Variants in PCDHGA1 observed in about 807,000 individuals in gnomAD.
PCDHGA1 encodes protocadherin gamma subfamily A, 1.
Under a neutral mutation model 58.0 loss-of-function variants are expected in PCDHGA1, and 32 were observed. The ratio of observed to expected loss-of-function variants is 0.55; its 90% confidence interval spans 0.42 to 0.74. PCDHGA1 has a LOEUF of 0.74. PCDHGA1 is among the 30% of genes least tolerant of loss of function. The pLI, the probability that PCDHGA1 is intolerant of heterozygous loss-of-function variation, is 0.00. For synonymous variants in PCDHGA1, 498 were observed against 501.1 expected, an observed-to-expected ratio of 0.99 and a Z score of 0.08; for missense variants, 1,205 against 1,182.3, an observed-to-expected ratio of 1.02 and a Z score of -0.28.
intron 1 of PCDHGA1, chr5:141,362,388 C>G (rs1267165641): frequency 2.5e-6 from 4 of 1,613,948 alleles, no homozygotes; most frequent in African/African-American, 2.7e-5. Flanking sequence ...TGCCCTATTC[C>G]TACAACCTGT....
In PCDHGA1 at chr5:141,392,927, G is replaced by C. The variant is rs758960557; in HGVS notation, c.2421+59822G>C. The C allele has an allele frequency of 5.6e-6, 9 of 1,613,832 alleles. No homozygotes were observed. In the East Asian group the frequency reaches 2.0e-4, roughly 36 times the overall value. On this transcript the variant is annotated intron_variant, in intron 1 of 3. Coordinates refer to ENST00000517417, the MANE Select transcript of PCDHGA1 (RefSeq NM_018912.3). Reference sequence around the variant, plus strand: ...AGATTCGCTACTCTGTGCCAGAAGAGACGGACAAAGGCTCCTTCGTGGGTA... The same window carrying C: ...AGATTCGCTACTCTGTGCCAGAAGACACGGACAAAGGCTCCTTCGTGGGTA...
At chr5:141,362,600 C>T (rs1561527590) in intron 1 of PCDHGA1, 3 of 1,577,722 alleles carry the variant, frequency 1.9e-6, no homozygotes, top group Non-Finnish European at 1.7e-6. Flanking sequence ...TTTATTGTTT[C>T]ACCTAATTTG....
rs1588634140 is a variant in PCDHGA1 at position 141,366,905 on chromosome 5, C to T, written c.2421+33800C>T. 3 of 1,162,942 alleles carry T rather than the reference C, an allele frequency of 2.6e-6. No individual in the cohort carries two copies. In the East Asian group the frequency reaches 7.6e-5, roughly 29 times the overall value. The allele number at this position is 1,162,942 out of a possible 1,614,324, so 72.0% of individuals were successfully genotyped here. ...TTTTTTTATATAATTCATGCTTTCT[C>T]CATTTGTTTTCAAATTCTGTTTTGG... On this transcript the variant is annotated intron_variant, in intron 1 of 3. Transcript: ENST00000517417.
At chr5:141,348,572 A>G (rs543197270) in intron 1 of PCDHGA1, among the ~76,000 whole-genome samples, 1 of 152,356 alleles carries the variant, frequency 6.6e-6, no homozygotes, top group South Asian at 2.1e-4. Flanking sequence ...TAGCCTACAT[A>G]TGTGTCATGA....
At chr5:141,359,332 G>A (rs1761178840) in intron 1 of PCDHGA1, among the ~76,000 whole-genome samples, 1 of 152,092 alleles carries the variant, frequency 6.6e-6, no homozygotes, top group Non-Finnish European at 1.5e-5. Flanking sequence ...ATATATTCCA[G>A]AATGAGAGTG....
At chr5:141,399,148 C>T (rs2150776580) in intron 1 of PCDHGA1, 2 of 1,613,684 alleles carry the variant, frequency 1.2e-6, no homozygotes, top group Non-Finnish European at 1.7e-6. Context: ...TGACAATAGC[C>T]CAGAAGTTAC....
intron 1 of PCDHGA1, chr5:141,338,944 A>T: frequency 2.6e-6 from 4 of 1,523,434 alleles, no homozygotes; most frequent in Non-Finnish European, 3.5e-6. Flanking sequence ...CTGGAAGTTG[A>T]CTCGGAGAAA....
chr5:141,357,136 G>T (rs779756612), intron 1 of PCDHGA1: 1 of 1,613,540 alleles, frequency 6.2e-7, no homozygotes, highest in Non-Finnish European at 8.5e-7. Flanking sequence ...TGTAGTGGTC[G>T]TCCAGGACCA....
Position 141,489,606 on chromosome 5 carries a change from G to A in PCDHGA1, c.2422-5201G>A. The stretch of plus-strand genomic sequence containing the variant: ...TGGAGCTAATCCGTGTAGAGGTAGA[G>A]ATCCTGGATCTCAATGACAACTCTC... On this transcript the variant is annotated intron_variant, in intron 1 of 3. Coordinates refer to ENST00000517417, the MANE Select transcript of PCDHGA1 (RefSeq NM_018912.3). This position sits in a 1 kb window ranked among gnomAD's most constrained non-coding sequence, Gnocchi z 4.5. The A allele has an allele frequency of 6.2e-7, 1 of 1,614,110 alleles. No homozygotes were observed.
chr5:141,502,634 T>C (rs1306951640), intron 2 of PCDHGA1, among the ~76,000 whole-genome samples: 1 of 152,228 alleles, frequency 6.6e-6, no homozygotes. Flanking sequence ...CTGTGGATGA[T>C]ACTTTGAGAT....
At chr5:141,363,754 T>C (rs769880289) in intron 1 of PCDHGA1, among the ~76,000 whole-genome samples, 4 of 152,238 alleles carry the variant, frequency 2.6e-5, no homozygotes, top group Non-Finnish European at 4.4e-5. Context: ...GGTATTCTTA[T>C]ATGCAAATAA....
chr5:141,379,850 ATTATTGTCTTATTCTTAT>A (rs1302175225), intron 1 of PCDHGA1, among the ~76,000 whole-genome samples: 1 of 133,230 alleles, frequency 7.5e-6, no homozygotes, highest in African/African-American at 2.8e-5. Flanking sequence ...AAACTACCAA[ATTATTGTCTTATTCTTAT>A]TTTATGGTCT....
intron 2 of PCDHGA1, among the ~76,000 whole-genome samples, chr5:141,497,540 C>A (rs866982821): frequency 7.4e-6 from 1 of 134,944 alleles, no homozygotes; most frequent in African/African-American, 2.8e-5. Context: ...TGCAACAAAC[C>A]TTTTTTTTTT....
chr5:141,451,606 G>A (rs2098720118), intron 1 of PCDHGA1, among the ~76,000 whole-genome samples: 1 of 152,152 alleles, frequency 6.6e-6, no homozygotes, highest in Admixed American at 6.5e-5. Flanking sequence ...ACAAGGCTAG[G>A]CATGGTGGCT....
intron 1 of PCDHGA1, among the ~76,000 whole-genome samples, chr5:141,470,624 A>G (rs1421700811): frequency 6.6e-6 from 1 of 152,220 alleles, no homozygotes; most frequent in Non-Finnish European, 1.5e-5. Flanking sequence ...TCATGCTTAG[A>G]TAGGCCCCCT....
intron 2 of PCDHGA1, among the ~76,000 whole-genome samples, chr5:141,499,297 T>A (rs1449576891): frequency 1.3e-5 from 2 of 152,036 alleles, no homozygotes; most frequent in Non-Finnish European, 2.9e-5. Flanking sequence ...CACACTACCA[T>A]CCCTCCTCTG....
chr5:141,350,492 A>C lies in PCDHGA1; in HGVS notation c.2421+17387A>C, dbSNP rs1758490387. The C allele has an allele frequency of 2.5e-6, 4 of 1,613,968 alleles. No homozygotes were observed. The East Asian group carries it at 8.9e-5, about 36-fold the overall frequency. On this transcript the variant is annotated intron_variant, in intron 1 of 3. Transcript: ENST00000517417. The stretch of plus-strand genomic sequence containing the variant: ...GGATTATTTCAACGTTAGTTTGGAG[A>C]GCGGGGATTTGTTAGTGAACGGTAG...
chr5:141,345,600 G>C (rs1440053153), intron 1 of PCDHGA1: 4 of 1,614,154 alleles, frequency 2.5e-6, no homozygotes, highest in African/African-American at 1.3e-5. Context: ...CTTCGACTAC[G>C]AGCAATTTAG....
chr5:141,405,364 C>G, intron 1 of PCDHGA1: 1 of 1,613,548 alleles, frequency 6.2e-7, no homozygotes, highest in Non-Finnish European at 8.5e-7. Context: ...TAGAAGACAC[C>G]CCTTTGGTTC....
Sources: gnomAD v4.1 joint callset for allele counts (sites outside exome capture counted in the v4.1 genomes callset) on GRCh38, gnomAD v4.1.1 for gene constraint, Gnocchi (gnomAD v3.1) non-coding constraint, MANE v1.5 for transcripts, NCBI Gene and HGNC (gene_info 2026-07-23, HGNC 2026-07-21) for gene names.